Variants in DNM3 observed in about 807,000 individuals in gnomAD.
The protein encoded by DNM3 is dynamin-3.
A neutral mutation model predicts 101.6 loss-of-function variants in DNM3; 47 were observed. That is an observed-to-expected ratio of 0.46 (90% CI 0.37 to 0.59). The LOEUF is 0.59. DNM3 is among the 20% of genes least tolerant of loss of function. The pLI is 0.00. For missense variants in DNM3, 849 were observed against 1,085.7 expected, an observed-to-expected ratio of 0.78 and a Z score of 3.06; for synonymous variants, 385 against 387.9, an observed-to-expected ratio of 0.99 and a Z score of 0.09.
intron 14 of DNM3, among the ~76,000 whole-genome samples, chr1:172,192,367 C>CTT (rs199599445): frequency 7.0e-6 from 1 of 143,228 alleles, no homozygotes; most frequent in East Asian, 2.0e-4. Flanking sequence ...GGTGGATAAG[C>CTT]TTTTTTTTTT....
At chr1:172,170,577 G>A (rs1354289756) in intron 14 of DNM3, among the ~76,000 whole-genome samples, 1 of 151,880 alleles carries the variant, frequency 6.6e-6, no homozygotes, top group Non-Finnish European at 1.5e-5. Context: ...GAACTTCAGT[G>A]TTAATTGCTG....
intron 2 of DNM3, among the ~76,000 whole-genome samples, chr1:171,934,020 A>T (rs920211112): frequency 1.2e-4 from 19 of 152,330 alleles, no homozygotes; most frequent in Admixed American, 5.9e-4. Context: ...TCTCATTTCC[A>T]TTAGTTCTGT....
At chr1:172,382,120 A>T (rs959385410) in intron 18 of DNM3, among the ~76,000 whole-genome samples, 100 of 152,186 alleles carry the variant, frequency 6.6e-4, no homozygotes, top group African/African-American at 2.3e-3. Flanking sequence ...TGCCTCAGAC[A>T]TACTGTAAGC....
At chr1:172,252,225 C>G (rs1055633320) in intron 14 of DNM3, among the ~76,000 whole-genome samples, 1 of 152,064 alleles carries the variant, frequency 6.6e-6, no homozygotes, top group African/African-American at 2.4e-5. Flanking sequence ...CCTGTTCACA[C>G]GTGACTTTAT....
intron 13 of DNM3, among the ~76,000 whole-genome samples, chr1:172,127,231 C>T (rs776712722): frequency 1.6e-4 from 24 of 151,946 alleles, no homozygotes; most frequent in Non-Finnish European, 2.4e-4. Flanking sequence ...GAAGGACTTA[C>T]GTCCACCCTT....
chr1:172,321,448 A>C (rs1450720166), intron 16 of DNM3, among the ~76,000 whole-genome samples: 2 of 152,232 alleles, frequency 1.3e-5, no homozygotes, highest in African/African-American at 4.8e-5. Flanking sequence ...GGATCTAAAC[A>C]TAAATTGCTG....
intron 15 of DNM3, among the ~76,000 whole-genome samples, chr1:172,285,015 G>A (rs1222176151): frequency 6.6e-6 from 1 of 152,174 alleles, no homozygotes; most frequent in East Asian, 1.9e-4. Flanking sequence ...AGGTGGTGAA[G>A]CAGTCAGGGG....
Position 172,042,049 on chromosome 1 carries a change from G to T in DNM3, c.1033G>T (p.Glu345Ter). 6.2e-7 allele frequency: 1 copy of T among 1,604,154 alleles called. No homozygotes were observed. The highest frequency in any genetic ancestry group is 1.1e-5 in the South Asian group (1 of 88,506). ...QFAVDFEKRI[E>*]GSGDQVDTLE... ...TGCTGTGGACTTTGAGAAGAGAATT[G>T]AAGGGTCAGGGGATCAAGTAGATAC... The change falls in exon 8 of 21, where the codon GAA (glutamate) becomes TAA (stop). Residue 345 changes from glutamate (E) to a stop codon, truncating the protein, a stop_gained. Transcript: ENST00000627582. LOFTEE classifies it high-confidence loss of function.
At chr1:172,265,276 T>C (rs188983956) in intron 15 of DNM3, among the ~76,000 whole-genome samples, 2 of 152,124 alleles carry the variant, frequency 1.3e-5, no homozygotes, top group East Asian at 1.9e-4. Context: ...TTCGGTGTCC[T>C]GGTGAATTAA....
intron 13 of DNM3, chr1:172,093,792 C>A: frequency 6.7e-7 from 1 of 1,494,730 alleles, no homozygotes. Context: ...CACAGTTTGT[C>A]TTTAACTGAT....
intron 2 of DNM3, among the ~76,000 whole-genome samples, chr1:171,925,466 G>A (rs1432013285): frequency 6.6e-6 from 1 of 151,878 alleles, no homozygotes; most frequent in Non-Finnish European, 1.5e-5. Flanking sequence ...TCCTGACCTC[G>A]TGATCTGCCT....
intron 14 of DNM3, among the ~76,000 whole-genome samples, chr1:172,230,765 G>C (rs917826258): frequency 6.6e-6 from 1 of 151,990 alleles, no homozygotes; most frequent in Non-Finnish European, 1.5e-5. Flanking sequence ...TGGTTCTAGT[G>C]GTTACTTTTC....
At chr1:172,296,830 G>A (rs762280201) in intron 15 of DNM3, among the ~76,000 whole-genome samples, 1 of 152,214 alleles carries the variant, frequency 6.6e-6, no homozygotes, top group Admixed American at 6.5e-5. Context: ...TCATCTTGCA[G>A]TTAATGTTAG....
chr1:172,216,924 T>A (rs1271108788), intron 14 of DNM3, among the ~76,000 whole-genome samples: 1 of 152,162 alleles, frequency 6.6e-6, no homozygotes, highest in East Asian at 1.9e-4. Flanking sequence ...TTTACTATCA[T>A]AATGGATTCT....
chr1:172,036,035 A>C (rs1279441226), intron 6 of DNM3, among the ~76,000 whole-genome samples: 1 of 150,024 alleles, frequency 6.7e-6, no homozygotes, highest in Non-Finnish European at 1.5e-5. Context: ...TTTAAGTTTT[A>C]GGGTACATGT....
At chr1:172,259,904 G>A (rs1335894029) in intron 15 of DNM3, among the ~76,000 whole-genome samples, 1 of 151,724 alleles carries the variant, frequency 6.6e-6, no homozygotes. Context: ...TTGTTTCTGT[G>A]TTTGCTCCAC....
chr1:172,307,351 G>A (rs2064875379), intron 15 of DNM3, among the ~76,000 whole-genome samples: 1 of 152,162 alleles, frequency 6.6e-6, no homozygotes, highest in Admixed American at 6.5e-5. Flanking sequence ...AGTTAGAATG[G>A]CGATCAATAA....
At chr1:172,354,025 A>G (rs2067311044) in intron 17 of DNM3, among the ~76,000 whole-genome samples, 1 of 151,466 alleles carries the variant, frequency 6.6e-6, no homozygotes, top group African/African-American at 2.4e-5. Context: ...AAGGATCAGT[A>G]ACTTCTCCGA....
intron 20 of DNM3, among the ~76,000 whole-genome samples, chr1:172,401,511 C>T (rs1415212222): frequency 6.6e-6 from 1 of 152,132 alleles, no homozygotes; most frequent in Non-Finnish European, 1.5e-5. Flanking sequence ...ATTTTTCTCC[C>T]TATGTTCTGA....
Sources: allele counts gnomAD v4.1 joint callset (sites outside exome capture counted in the v4.1 genomes callset), GRCh38; gene constraint gnomAD v4.1.1; transcripts MANE v1.5; gene names NCBI Gene and HGNC (gene_info 2026-07-23, HGNC 2026-07-21).